The following RFTN2 variants were observed in gnomAD, a reference collection of about 807,000 sequenced individuals.
RFTN2 encodes the protein raftlin family member 2, also known as raftlin-2.
In RFTN2, 34 loss-of-function variants were observed where a neutral mutation model predicts 52.7. That is an observed-to-expected ratio of 0.64 (90% confidence interval 0.49 to 0.86). RFTN2 has a LOEUF of 0.86. RFTN2 is among the 40% of genes least tolerant of loss of function. The pLI is 0.00. For missense variants in RFTN2, 536 were observed against 600.1 expected (o/e 0.89, Z 1.12); for synonymous variants, 203 against 217.7 (o/e 0.93, Z 0.59).
At chr2:197,650,965 G>A (rs1008705534) in intron 1 of RFTN2, among the ~76,000 whole-genome samples, 39 of 152,262 alleles carry the variant, frequency 2.6e-4, no homozygotes, top group African/African-American at 8.2e-4. Context: ...TTCTTTGATA[G>A]TAGCTATTCT....
intron 3 of RFTN2, among the ~76,000 whole-genome samples, chr2:197,638,175 G>A (rs2088600835): frequency 7.4e-6 from 1 of 134,304 alleles, no homozygotes; most frequent in Admixed American, 8.0e-5. Context: ...GGTCAATTTT[G>A]GAATAGGTGT....
chr2:197,598,863 C>A, intron 7 of RFTN2, among the ~76,000 whole-genome samples: 1 of 152,190 alleles, frequency 6.6e-6, no homozygotes, highest in African/African-American at 2.4e-5. Context: ...ATAATAAAAC[C>A]CACCAACAGT....
intron 1 of RFTN2, among the ~76,000 whole-genome samples, chr2:197,656,506 C>A (rs1372658838): frequency 6.6e-6 from 1 of 152,162 alleles, no homozygotes; most frequent in Non-Finnish European, 1.5e-5. Context: ...GAGCCCAGGG[C>A]CTGGTGCAAG....
intron 5 of RFTN2, among the ~76,000 whole-genome samples, chr2:197,624,258 G>A (rs185569169): frequency 2.0e-5 from 3 of 152,248 alleles, no homozygotes; most frequent in Admixed American, 2.0e-4. Flanking sequence ...GTTCTACTGT[G>A]GTTAAAATGC....
rs2087283534 is a variant in RFTN2 at position 197,569,542 on chromosome 2, T to C, written c.*2466A>G. On this transcript the variant is annotated 3_prime_UTR_variant, in exon 9 of 9. Transcript: ENST00000295049. ...TTTGAGGATATGACAGACTAGTAAG[T>C]TTATTTTAATAAAAGTTATTTTAAT... is the stretch of plus-strand genomic sequence containing the variant. The C allele has an allele frequency of 6.6e-6, 1 of 152,104 alleles. No individual in the cohort carries two copies. Among genetic ancestry groups the C allele is most frequent in the Non-Finnish European group, 1.5e-5 (1 of 68,026 alleles). The allele number at this position is 152,104 out of a possible 1,614,324, so 9.4% of individuals were successfully genotyped here.
At chr2:197,618,695 G>A (rs1349840122) in intron 5 of RFTN2, among the ~76,000 whole-genome samples, 9 of 151,586 alleles carry the variant, frequency 5.9e-5, no homozygotes, top group Admixed American at 3.3e-4. Flanking sequence ...GTCTCTGCCC[G>A]GCCGCCCATC....
chr2:197,631,923 C>G (rs995771171), intron 4 of RFTN2, among the ~76,000 whole-genome samples: 1 of 152,130 alleles, frequency 6.6e-6, no homozygotes, highest in Non-Finnish European at 1.5e-5. Context: ...ATGGATTTCA[C>G]CAGATACTCA....
intron 7 of RFTN2, among the ~76,000 whole-genome samples, chr2:197,611,152 T>C (rs889871522): frequency 3.3e-5 from 5 of 152,232 alleles, no homozygotes; most frequent in African/African-American, 7.2e-5. Flanking sequence ...GGAGTCCCTC[T>C]TTTTCTGTTG....
intron 5 of RFTN2, among the ~76,000 whole-genome samples, chr2:197,629,408 A>G (rs2088423790): frequency 6.6e-6 from 1 of 152,054 alleles, no homozygotes; most frequent in Non-Finnish European, 1.5e-5. Context: ...GAACACTTGG[A>G]CACAGGGTGG....
chr2:197,581,095 A>G (rs2087500760), intron 8 of RFTN2, among the ~76,000 whole-genome samples: 1 of 152,088 alleles, frequency 6.6e-6, no homozygotes, highest in African/African-American at 2.4e-5. Context: ...ACCCTGCTCA[A>G]TGCCACTATC....
intron 3 of RFTN2, among the ~76,000 whole-genome samples, chr2:197,640,053 G>T (rs1559360292): frequency 2.0e-5 from 3 of 152,330 alleles, no homozygotes; most frequent in South Asian, 2.1e-4. Context: ...GGCTGCTCAG[G>T]GGTCAGGGGT....
At chr2:197,573,763 G>A (rs541994465) in intron 8 of RFTN2, among the ~76,000 whole-genome samples, 23 of 152,336 alleles carry the variant, frequency 1.5e-4, no homozygotes, top group East Asian at 5.8e-4. Flanking sequence ...TTTGTGGGCC[G>A]GACCTAGGGC....
At chr2:197,639,045 T>C (rs1247717300) in intron 3 of RFTN2, among the ~76,000 whole-genome samples, 2 of 141,276 alleles carry the variant, frequency 1.4e-5, no homozygotes, top group Admixed American at 7.2e-5. Flanking sequence ...AATTCTTTTC[T>C]TTAAGAATGT....
intron 3 of RFTN2, among the ~76,000 whole-genome samples, chr2:197,643,874 C>T (rs971305148): frequency 2.6e-5 from 4 of 152,124 alleles, no homozygotes; most frequent in Non-Finnish European, 5.9e-5. Context: ...TTCCCAACAG[C>T]ATTCATTAAA....
At chr2:197,584,278 T>A (rs974347872) in intron 8 of RFTN2, among the ~76,000 whole-genome samples, 26 of 152,194 alleles carry the variant, frequency 1.7e-4, no homozygotes, top group African/African-American at 6.0e-4. Context: ...CCACATCCTC[T>A]CCAGCACCTG....
chr2:197,630,964 C>A, intron 5 of RFTN2, 47 bp downstream of exon 5: 1 of 1,273,334 alleles, frequency 7.9e-7, no homozygotes, highest in Non-Finnish European at 1.1e-6. Flanking sequence ...GATTTTGATA[C>A]AAGTTCAAAT....
At chr2:197,602,327 T>C (rs1284645707) in intron 7 of RFTN2, among the ~76,000 whole-genome samples, 3 of 152,148 alleles carry the variant, frequency 2.0e-5, no homozygotes, top group Admixed American at 1.3e-4. Context: ...TGCCTTGGCC[T>C]CCCAAAGTGC....
chr2:197,637,391 G>A (rs1366716106), intron 3 of RFTN2, among the ~76,000 whole-genome samples: 55 of 152,084 alleles, frequency 3.6e-4, no homozygotes, highest in Admixed American at 2.4e-3. Context: ...TGGTTGGTAA[G>A]CTATTGATTA....
intron 7 of RFTN2, among the ~76,000 whole-genome samples, chr2:197,609,222 T>C (rs892154120): frequency 2.6e-5 from 4 of 152,204 alleles, no homozygotes; most frequent in African/African-American, 9.7e-5. Flanking sequence ...GTCTTCCACA[T>C]GGTTGAACTA....
Sources: allele counts gnomAD v4.1 joint callset (sites outside exome capture counted in the v4.1 genomes callset), GRCh38; gene constraint gnomAD v4.1.1; transcripts MANE v1.5; gene names NCBI Gene and HGNC (gene_info 2026-07-23, HGNC 2026-07-21).